Variants in STARD10 observed in about 807,000 individuals in gnomAD.
STARD10 encodes the protein START domain-containing protein 10.
In STARD10, 24 loss-of-function variants were observed where a neutral mutation model predicts 36.0. That is an observed-to-expected ratio of 0.67 (90% CI 0.48 to 0.94). The LOEUF (loss-of-function observed/expected upper bound fraction) is 0.94. STARD10 is among the 40% of genes least tolerant of loss of function. The pLI, the probability that STARD10 is intolerant of heterozygous loss-of-function variation, is 0.00. For synonymous variants in STARD10, 156 were observed against 161.9 expected, an observed-to-expected ratio of 0.96 and a Z score of 0.28; for missense variants, 335 against 396.6, an observed-to-expected ratio of 0.84 and a Z score of 1.32.
At chr11:72,788,969 C>T (rs749694645) in intron 1 of STARD10, among the ~76,000 whole-genome samples, 1 of 152,184 alleles carries the variant, frequency 6.6e-6, no homozygotes, top group Non-Finnish European at 1.5e-5. Context: ...GGTCCTCTCT[C>T]GTCAGCCTCC....
At chr11:72,777,403 G>A (rs1050646923) in intron 2 of STARD10, among the ~76,000 whole-genome samples, 2 of 152,258 alleles carry the variant, frequency 1.3e-5, no homozygotes, top group African/African-American at 4.8e-5. Context: ...AAGGTCACAT[G>A]CAACAGCCAG....
intron 1 of STARD10, among the ~76,000 whole-genome samples, chr11:72,784,604 TG>T (rs1354345004): frequency 6.6e-6 from 1 of 152,172 alleles, no homozygotes; most frequent in Non-Finnish European, 1.5e-5. Flanking sequence ...TTGATTCTCA[TG>T]GAAGATCAAA....
At chr11:72,778,684 T>C (rs1858955527) in intron 2 of STARD10, among the ~76,000 whole-genome samples, 1 of 152,176 alleles carries the variant, frequency 6.6e-6, no homozygotes, top group South Asian at 2.1e-4. Flanking sequence ...GCCAAGATGC[T>C]GTAGATCTGG....
intron 1 of STARD10, chr11:72,783,487 C>T (rs1210796930): frequency 6.6e-6 from 1 of 152,510 alleles, no homozygotes; most frequent in African/African-American, 2.4e-5. Context: ...CCTCCTCTGC[C>T]TCTAACTCTA....
intron 2 of STARD10, 84 bp from the exon 3 acceptor site, chr11:72,759,465 G>C (rs1858689020): frequency 2.6e-6 from 4 of 1,527,980 alleles, no homozygotes; most frequent in Non-Finnish European, 3.6e-6. Flanking sequence ...AGGCAGAGGG[G>C]GAGGAAGAGA....
chr11:72,757,719 T>G lies in STARD10; in HGVS notation c.577+48A>C, dbSNP rs1000551992. The G allele has an allele frequency of 2.6e-6, 4 of 1,543,706 alleles. No individual in the cohort carries two copies. The Admixed American group carries it at 5.0e-5, about 19-fold the overall frequency. On this transcript the variant is annotated intron_variant, in intron 5 of 6. Coordinates refer to ENST00000334805, the MANE Select transcript of STARD10 (RefSeq NM_006645.3). ...CCTAGTAGATCAGGCCCCACCCCTG[T>G]GGTATAGGGAAGGATCCCATGATAG...
intron 1 of STARD10, among the ~76,000 whole-genome samples, chr11:72,782,764 T>G (rs546111103): frequency 3.9e-5 from 6 of 152,290 alleles, no homozygotes; most frequent in Admixed American, 2.0e-4. Context: ...GTGCCAGCTC[T>G]TCCTCCATCT....
rs558922254 is a variant in STARD10, at chr11:72,791,503, A to T, written c.-114+1372T>A. 3.2e-3 allele frequency among the ~76,000 whole-genome samples: 489 copies of T among 152,120 alleles called. 4 individuals carry two copies. The highest frequency in any genetic ancestry group is 0.011 in the African/African-American group (467 of 41,504). The stretch of plus-strand genomic sequence containing the variant: ...GATCACCTGAGGTCAGGAGTTTGAG[A>T]CCAGCCTGGCCAACATGGTGAAACC... On this transcript the variant is annotated intron_variant, in intron 1 of 6. Coordinates refer to ENST00000334805, the MANE Select transcript of STARD10 (RefSeq NM_006645.3).
chr11:72,757,663 A>G, intron 5 of STARD10, 104 bp downstream of exon 5: 1 of 1,052,400 alleles, frequency 9.5e-7, no homozygotes, highest in East Asian at 2.5e-5. Context: ...CCAAAATGCA[A>G]AACAGCTCCT....
Position 72,759,340 on chromosome 11 carries a change from G to A in STARD10, c.249C>T (p.Tyr83=), listed in dbSNP as rs1010950070. 1.7e-5 allele frequency: 27 copies of A among 1,613,746 alleles called. No homozygotes were observed. The highest frequency in any genetic ancestry group is 1.6e-4 in the Middle Eastern group (1 of 6,078). ...ECCDVPAETL[Y]DVLHDIEYRK... ...GGTACTCAATGTCGTGTAGGACGTCGTAGAGTGTCTCGGCTGGCACATCAC... is the reference window on the plus strand; with the variant it reads ...GGTACTCAATGTCGTGTAGGACGTCATAGAGTGTCTCGGCTGGCACATCAC... The change falls in exon 3 of 7, where the codon TAC becomes TAT. Residue 83 remains tyrosine (Y), a synonymous_variant. Coordinates refer to ENST00000334805, the MANE Select transcript of STARD10 (RefSeq NM_006645.3).
At chr11:72,778,917 C>G (rs2135623449) in intron 2 of STARD10, among the ~76,000 whole-genome samples, 1 of 152,320 alleles carries the variant, frequency 6.6e-6, no homozygotes, top group East Asian at 1.9e-4. Context: ...TACAACACCC[C>G]AGTTTTTCCA....
Position 72,755,093 on chromosome 11 carries a change from T to C in STARD10, c.680A>G (p.Gln227Arg). The change falls in exon 7 of 7, where the codon CAG (glutamine) becomes CGG (arginine). Residue 227 changes from glutamine (Q) to arginine (R), a missense_variant. Gln to Arg is a conservative substitution (Grantham distance 43). Coordinates refer to ENST00000334805, the MANE Select transcript of STARD10 (RefSeq NM_006645.3). Reference sequence around the variant, plus strand: ...CGGCTTGAAGTGAGGCAGGTGCTTCTGTTTCCACTCGGGGTACTTGAGGCA... The same window carrying C: ...CGGCTTGAAGTGAGGCAGGTGCTTCCGTTTCCACTCGGGGTACTTGAGGCA... Reference protein sequence around the residue: ...KACLKYPEWKQKHLPHFKPWL... With the variant: ...KACLKYPEWKRKHLPHFKPWL... The C allele has an allele frequency of 6.2e-7, 1 of 1,613,482 alleles. No homozygotes were observed. The highest frequency in any genetic ancestry group is 8.5e-7 in the Non-Finnish European group (1 of 1,179,816).
chr11:72,787,466 A>T (rs529758942), intron 1 of STARD10, among the ~76,000 whole-genome samples: 1 of 152,314 alleles, frequency 6.6e-6, no homozygotes, highest in East Asian at 1.9e-4. Flanking sequence ...AGGCCTAGAG[A>T]GGGCCAGAGG....
intron 2 of STARD10, among the ~76,000 whole-genome samples, chr11:72,764,703 AGGTGGC>A (rs1027053566): frequency 6.6e-6 from 1 of 152,220 alleles, no homozygotes; most frequent in Non-Finnish European, 1.5e-5. Context: ...GGGGAGGGAC[AGGTGGC>A]GGGGTAGGGC....
intron 2 of STARD10, among the ~76,000 whole-genome samples, chr11:72,765,038 C>T (rs1222020213): frequency 1.3e-5 from 2 of 152,276 alleles, no homozygotes; most frequent in Non-Finnish European, 1.5e-5. Context: ...GAGGCCGAGG[C>T]GGGCAGATCA....
intron 2 of STARD10, 97 bp downstream of exon 2, chr11:72,780,878 T>C (rs1858984435): frequency 6.2e-6 from 8 of 1,282,762 alleles, no homozygotes; most frequent in East Asian, 2.3e-5. Context: ...GGCCCAGATA[T>C]ACAGCCAGGT....
chr11:72,757,654 C>A (rs74758702), intron 5 of STARD10, 113 bp downstream of exon 5: 2 of 965,496 alleles, frequency 2.1e-6, no homozygotes, highest in Non-Finnish European at 3.1e-6. Flanking sequence ...GGAAATGCCC[C>A]AAAATGCAAA....
chr11:72,768,753 C>G (rs1275862454), intron 2 of STARD10, among the ~76,000 whole-genome samples: 1 of 152,260 alleles, frequency 6.6e-6, no homozygotes, highest in African/African-American at 2.4e-5. Flanking sequence ...CAGCTCCCCC[C>G]TCAGCATGCG....
At chr11:72,764,161 A>G in intron 2 of STARD10, among the ~76,000 whole-genome samples, 1 of 152,094 alleles carries the variant, frequency 6.6e-6, no homozygotes, top group African/African-American at 2.4e-5. Context: ...TTAGAATCCA[A>G]CCTGGGACTG....
Sources: allele counts gnomAD v4.1 joint callset (sites outside exome capture counted in the v4.1 genomes callset), GRCh38; gene constraint gnomAD v4.1.1; transcripts MANE v1.5; gene names NCBI Gene and HGNC (gene_info 2026-07-23, HGNC 2026-07-21).